LARS2: variants seen among roughly 807,000 people sequenced by gnomAD.
The protein encoded by LARS2 is leucine--tRNA ligase, mitochondrial.
LARS2 carries 81 observed loss-of-function variants against 116.6 expected under a neutral mutation model. The ratio of observed to expected loss-of-function variants is 0.69; its 90% CI spans 0.58 to 0.84. The LOEUF (loss-of-function observed/expected upper bound fraction) is 0.84, where lower values mean the gene tolerates loss of function less well. LARS2 is among the 40% of genes least tolerant of loss of function. The pLI is 0.00. For missense variants in LARS2, 968 were observed against 1,114.5 expected (o/e 0.87, Z 1.87); for synonymous variants, 396 against 407.2 (o/e 0.97, Z 0.33).
At chr3:45,499,411 G>C (rs7628397) in intron 14 of LARS2, among the ~76,000 whole-genome samples, 134,434 of 152,134 alleles carry the variant, frequency 0.88, 61,710 homozygotes, top group East Asian at 1. Flanking sequence ...CCCTGCAACC[G>C]AGCCTGGGTG....
intron 15 of LARS2, among the ~76,000 whole-genome samples, chr3:45,512,002 T>C (rs997907217): frequency 2.0e-5 from 3 of 152,002 alleles, no homozygotes; most frequent in African/African-American, 7.3e-5. Flanking sequence ...TCTCAAACTT[T>C]GAGCTCAGGC....
chr3:45,548,217 C>T lies in LARS2; in HGVS notation c.*687C>T, dbSNP rs1470336618. ...TCCCCAACCCCAGCTGGATGTGCCT[C>T]CCAGGCCTGCTGTGGTTCTGACACA... On this transcript the variant is annotated 3_prime_UTR_variant, in exon 22 of 22. Transcript: ENST00000645846. 10 of 152,312 alleles carry T rather than the reference C, an allele frequency of 6.6e-5. No homozygotes were observed. Among genetic ancestry groups the T allele is most frequent in the Admixed American group, 6.5e-4 (10 of 15,282 alleles). 9.4% of individuals were successfully genotyped at this position (152,312 alleles called of 1,614,324 possible).
chr3:45,430,663 C>A (rs1698693598), intron 6 of LARS2, among the ~76,000 whole-genome samples: 1 of 142,986 alleles, frequency 7.0e-6, no homozygotes, highest in African/African-American at 2.6e-5. Context: ...CAGCTCACTG[C>A]GAGCTTCGCC....
intron 20 of LARS2, among the ~76,000 whole-genome samples, chr3:45,531,067 A>G (rs934997943): frequency 1.3e-5 from 2 of 152,192 alleles, no homozygotes; most frequent in African/African-American, 2.4e-5. Flanking sequence ...TCTTTCTGCT[A>G]TATTTTCTGA....
intron 8 of LARS2, among the ~76,000 whole-genome samples, chr3:45,468,335 C>T (rs1054043706): frequency 6.6e-6 from 1 of 152,154 alleles, no homozygotes; most frequent in Admixed American, 6.5e-5. Flanking sequence ...CCAATAAAAG[C>T]TTTCAGCCTT....
chr3:45,520,698 G>C (rs905265813), intron 19 of LARS2, among the ~76,000 whole-genome samples: 1 of 152,160 alleles, frequency 6.6e-6, no homozygotes, highest in Non-Finnish European at 1.5e-5. Flanking sequence ...ATTTAACCTG[G>C]ATGGATCAGG....
At chr3:45,538,660 T>C (rs1337491939) in intron 20 of LARS2, among the ~76,000 whole-genome samples, 1 of 151,928 alleles carries the variant, frequency 6.6e-6, no homozygotes, top group Admixed American at 6.6e-5. Flanking sequence ...TCCTAAGGAG[T>C]CTTCACTTCC....
At position 45,549,286 on chromosome 3, in the gene LARS2, C is replaced by G. The variant is rs990433719; in HGVS notation, c.*1756C>G. On this transcript the variant is annotated 3_prime_UTR_variant, in exon 22 of 22. Coordinates refer to ENST00000645846, the MANE Select transcript of LARS2 (RefSeq NM_015340.4). Reference sequence around the variant, plus strand: ...AGCGGGGATAAGTTTGGTCCAGGACCAAGAGTTGGACCAAAAGGGAAGACA... The same window carrying G: ...AGCGGGGATAAGTTTGGTCCAGGACGAAGAGTTGGACCAAAAGGGAAGACA... 6.6e-6 allele frequency: 1 copy of G among 152,042 alleles called. No individual in the cohort carries two copies. Among genetic ancestry groups the G allele is most frequent in the Non-Finnish European group, 1.5e-5 (1 of 68,022 alleles). The allele number at this position is 152,042 out of a possible 1,614,324, so 9.4% of individuals were successfully genotyped here.
intron 8 of LARS2, among the ~76,000 whole-genome samples, chr3:45,469,254 C>T (rs1341149234): frequency 6.6e-6 from 1 of 152,184 alleles, no homozygotes; most frequent in East Asian, 1.9e-4. Flanking sequence ...GAGGTTGACG[C>T]AGGGCTATCA....
In LARS2 at chr3:45,520,265, C is replaced by T; in HGVS notation, c.2261C>T (p.Ser754Phe). The change falls in exon 19 of 22, where the codon TCT becomes TTT. Residue 754 changes from serine (S) to phenylalanine (F), a missense_variant. Transcript: ENST00000645846. ...GACTTCTCACTGAATTCTGCAATTT[C>T]TCAGCTGATGGGACTCAGCAATGCC... is the stretch of plus-strand genomic sequence containing the variant. The part of the protein sequence containing the change: ...TEDFSLNSAI[S>F]QLMGLSNALS... 6.2e-7 allele frequency: 1 copy of T among 1,613,694 alleles called. No individual in the cohort carries two copies. Among genetic ancestry groups the T allele is most frequent in the Non-Finnish European group, 8.5e-7 (1 of 1,179,672 alleles).
At chr3:45,400,396 G>A in intron 4 of LARS2, 23 bp downstream of exon 4, 1 of 1,583,438 alleles carries the variant, frequency 6.3e-7, no homozygotes, top group Non-Finnish European at 8.6e-7. Context: ...GCCTGCTGGA[G>A]CAGCCCTTGT....
At chr3:45,541,744 G>A (rs1483446025) in intron 20 of LARS2, 85 bp from the exon 21 acceptor site, 5 of 1,537,358 alleles carry the variant, frequency 3.3e-6, no homozygotes, top group Non-Finnish European at 4.4e-6. Flanking sequence ...AAGCCAGGCT[G>A]TGTTGGGATG....
intron 6 of LARS2, among the ~76,000 whole-genome samples, chr3:45,440,576 TTTTTG>T (rs71301232): frequency 2.0e-5 from 3 of 151,796 alleles, no homozygotes; most frequent in Non-Finnish European, 4.4e-5. Context: ...TGCCTCGGGT[TTTTTG>T]TTTTGTTTTG....
At chr3:45,479,876 C>T (rs1258550561) in intron 10 of LARS2, among the ~76,000 whole-genome samples, 1 of 151,648 alleles carries the variant, frequency 6.6e-6, no homozygotes, top group Non-Finnish European at 1.5e-5. Context: ...CTCTGAGTCA[C>T]CAACTATCTA....
chr3:45,435,140 C>T (rs1698777960), intron 6 of LARS2, among the ~76,000 whole-genome samples: 1 of 152,174 alleles, frequency 6.6e-6, no homozygotes, highest in South Asian at 2.1e-4. Context: ...ACTCCGCTGA[C>T]ACCATGGAGA....
chr3:45,529,342 T>C (rs1262585265), intron 20 of LARS2, among the ~76,000 whole-genome samples: 8 of 152,012 alleles, frequency 5.3e-5, no homozygotes, highest in African/African-American at 1.9e-4. Flanking sequence ...TGAGGTGGGC[T>C]GATCACCTGA....
At chr3:45,518,926 A>G (rs562348840) in intron 18 of LARS2, among the ~76,000 whole-genome samples, 2 of 152,100 alleles carry the variant, frequency 1.3e-5, no homozygotes, top group East Asian at 1.9e-4. Context: ...TACCCTCTCT[A>G]TGTGGAGGAA....
At chr3:45,538,272 T>A (rs557050671) in intron 20 of LARS2, 3 of 152,112 alleles carry the variant, frequency 2.0e-5, no homozygotes, top group Non-Finnish European at 4.4e-5. Context: ...GGCTTCCTCA[T>A]TTTTTTTAAA....
chr3:45,436,346 CAAAAA>C (rs573510833), intron 6 of LARS2, among the ~76,000 whole-genome samples: 3 of 134,540 alleles, frequency 2.2e-5, no homozygotes, highest in African/African-American at 8.2e-5. Context: ...TTCTTTCTTT[CAAAAA>C]AAAAAAAACA....
Sources: gnomAD v4.1 joint callset for allele counts (sites outside exome capture counted in the v4.1 genomes callset) on GRCh38, gnomAD v4.1.1 for gene constraint, MANE v1.5 for transcripts, NCBI Gene and HGNC (gene_info 2026-07-23, HGNC 2026-07-21) for gene names.